Variants in MDGA2 observed in about 807,000 individuals in gnomAD.
MDGA2 encodes the protein MAM domain-containing glycosylphosphatidylinositol anchor protein 2.
MDGA2 carries 40 observed loss-of-function variants against 117.8 expected under a neutral mutation model. That is an observed-to-expected ratio of 0.34 (90% CI 0.26 to 0.44). The LOEUF (loss-of-function observed/expected upper bound fraction) is 0.44, where lower values mean the gene tolerates loss of function less well. Ranked by LOEUF, MDGA2 falls within the 20% of genes least tolerant of loss-of-function variation. MDGA2 has a pLI of 1.00. For synonymous variants in MDGA2, 452 were observed against 439.0 expected, an observed-to-expected ratio of 1.03 and a Z score of -0.37; for missense variants, 1,123 against 1,250.6, an observed-to-expected ratio of 0.90 and a Z score of 1.54.
intron 8 of MDGA2, among the ~76,000 whole-genome samples, chr14:46,973,493 TA>T (rs1886344430): frequency 6.6e-6 from 1 of 152,072 alleles, no homozygotes; most frequent in Non-Finnish European, 1.5e-5. Flanking sequence ...CTTAATCAAA[TA>T]ATTGGTCAAT....
At chr14:47,520,223 T>C (rs1276610814) in intron 1 of MDGA2, among the ~76,000 whole-genome samples, 1 of 152,178 alleles carries the variant, frequency 6.6e-6, no homozygotes, top group Non-Finnish European at 1.5e-5. Context: ...CAATGTACTA[T>C]TCTCTCTTTA....
intron 2 of MDGA2, among the ~76,000 whole-genome samples, chr14:47,221,862 G>C (rs1299737140): frequency 2.6e-5 from 4 of 151,152 alleles, no homozygotes. Context: ...TATATATTTG[G>C]GGTACGATGT....
At chr14:47,076,907 G>A (rs552907317) in intron 6 of MDGA2, among the ~76,000 whole-genome samples, 54 of 152,044 alleles carry the variant, frequency 3.6e-4, no homozygotes, top group African/African-American at 1.1e-3. Flanking sequence ...TATGTGACCT[G>A]GAAAATATTT....
At chr14:47,467,968 G>A (rs2138607711) in intron 1 of MDGA2, among the ~76,000 whole-genome samples, 1 of 152,208 alleles carries the variant, frequency 6.6e-6, no homozygotes, top group Non-Finnish European at 1.5e-5. Flanking sequence ...GAAACACTGG[G>A]TAAGAAGTTG....
At chr14:47,451,021 A>C (rs1412409163) in intron 1 of MDGA2, among the ~76,000 whole-genome samples, 11 of 152,124 alleles carry the variant, frequency 7.2e-5, no homozygotes, top group Non-Finnish European at 8.8e-5. Flanking sequence ...CAAAAGGGAT[A>C]CTAAAATGGC....
intron 7 of MDGA2, among the ~76,000 whole-genome samples, chr14:47,051,685 T>A (rs1889462245): frequency 6.6e-6 from 1 of 151,898 alleles, no homozygotes; most frequent in Non-Finnish European, 1.5e-5. Context: ...ACAAATTAAA[T>A]CACTTTAATA....
In MDGA2 at chr14:47,481,345, A is replaced by G. The variant is rs552053452; in HGVS notation, c.281-179795T>C. On this transcript the variant is annotated intron_variant, in intron 1 of 16. Coordinates refer to ENST00000399232, the MANE Select transcript of MDGA2 (RefSeq NM_001113498.3). Reference sequence around the variant, plus strand: ...TTGTTTGACAACATTTACATGATACACCGGTTTACGGGAAATGAAATTTGC... The same window carrying G: ...TTGTTTGACAACATTTACATGATACGCCGGTTTACGGGAAATGAAATTTGC... 2.6e-5 allele frequency among the ~76,000 whole-genome samples: 4 copies of G among 152,120 alleles called. No individual in the cohort carries two copies. In the South Asian group the frequency reaches 8.3e-4, roughly 32 times the overall value.
intron 14 of MDGA2, chr14:46,871,793 G>T: frequency 4.4e-6 from 1 of 226,994 alleles, no homozygotes; most frequent in Admixed American, 3.9e-5. Context: ...CAGTGATGAA[G>T]TGCTACAGCC....
rs1446455815 is a variant in MDGA2, at chr14:47,301,529, A to G, written c.302T>C (p.Val101Ala). 1 of 1,551,710 alleles carries G rather than the reference A, an allele frequency of 6.4e-7. No homozygotes were observed. The highest frequency in any genetic ancestry group is 8.7e-7 in the Non-Finnish European group (1 of 1,146,982). The stretch of plus-strand genomic sequence containing the variant: ...AATGTTACAGGCCAAGCCTGAGTGC[A>G]CAATACGAACCGTGGGAGGAGCTGT... ...GVYAPPTVRIVHSGLACNIEE... is the reference protein window; with the variant it reads ...GVYAPPTVRIAHSGLACNIEE... Residue 101 changes from valine to alanine, a missense_variant, in exon 2 of 17, where the codon GTG becomes GCG. Val to Ala is a moderately conservative substitution (Grantham distance 64). Transcript: ENST00000399232.
chr14:47,011,283 A>G (rs1887888528), intron 8 of MDGA2, among the ~76,000 whole-genome samples: 1 of 152,046 alleles, frequency 6.6e-6, no homozygotes, highest in Admixed American at 6.6e-5. Flanking sequence ...ACTACAATTC[A>G]TGAACATTAC....
At chr14:47,017,867 G>C (rs1424283670) in intron 8 of MDGA2, among the ~76,000 whole-genome samples, 1 of 152,084 alleles carries the variant, frequency 6.6e-6, no homozygotes, top group East Asian at 1.9e-4. Context: ...CTTAAGAGGA[G>C]TCCATGCAAA....
chr14:47,447,935 C>G (rs993838913), intron 1 of MDGA2, among the ~76,000 whole-genome samples: 1 of 152,010 alleles, frequency 6.6e-6, no homozygotes, highest in Non-Finnish European at 1.5e-5. Flanking sequence ...TTGTTCCTGA[C>G]AGAAGGCTCC....
At chr14:47,576,104 A>G (rs1482202120) in intron 1 of MDGA2, among the ~76,000 whole-genome samples, 1 of 152,150 alleles carries the variant, frequency 6.6e-6, no homozygotes, top group African/African-American at 2.4e-5. Context: ...GAGACTGTTT[A>G]TATGTATGCT....
chr14:47,047,894 G>A (rs1241197710), intron 7 of MDGA2, among the ~76,000 whole-genome samples: 1 of 151,816 alleles, frequency 6.6e-6, no homozygotes, highest in African/African-American at 2.4e-5. Context: ...CATTTTACAT[G>A]AGGATACTAT....
At chr14:47,255,051 A>G (rs1594755711) in intron 2 of MDGA2, among the ~76,000 whole-genome samples, 1 of 152,184 alleles carries the variant, frequency 6.6e-6, no homozygotes. Flanking sequence ...CTCCCACCAC[A>G]TGTGGGGATT....
At chr14:47,319,313 T>C (rs972164698) in intron 1 of MDGA2, among the ~76,000 whole-genome samples, 1 of 152,174 alleles carries the variant, frequency 6.6e-6, no homozygotes, top group Admixed American at 6.6e-5. Flanking sequence ...TGAGTGTACA[T>C]TTCTGATTTG....
chr14:47,266,347 G>T (rs72680267), intron 2 of MDGA2, among the ~76,000 whole-genome samples: 13,820 of 152,056 alleles, frequency 0.091, 782 homozygotes, highest in Non-Finnish European at 0.11. Flanking sequence ...AAATCCCATA[G>T]GCTATACTTC....
At chr14:46,932,176 T>C (rs967252983) in intron 9 of MDGA2, among the ~76,000 whole-genome samples, 5 of 151,896 alleles carry the variant, frequency 3.3e-5, no homozygotes, top group Non-Finnish European at 7.4e-5. Flanking sequence ...TATTAATATG[T>C]GTTAGCATAA....
intron 6 of MDGA2, among the ~76,000 whole-genome samples, chr14:47,081,678 G>A (rs1890713774): frequency 6.6e-6 from 1 of 152,122 alleles, no homozygotes; most frequent in Admixed American, 6.5e-5. Flanking sequence ...TGGTAAGTAT[G>A]AATGGTTCCT....
Sources: allele counts gnomAD v4.1 joint callset (sites outside exome capture counted in the v4.1 genomes callset), GRCh38; gene constraint gnomAD v4.1.1; transcripts MANE v1.5; gene names NCBI Gene and HGNC (gene_info 2026-07-23, HGNC 2026-07-21).